Variants in SLC45A2 observed in about 807,000 individuals in gnomAD.
The protein encoded by SLC45A2 is solute carrier family 45 member 2, also known as membrane-associated transporter protein.
In SLC45A2, 36 loss-of-function variants were observed where a neutral mutation model predicts 45.5. The observed-to-expected ratio is 0.79, with a 90% CI of 0.61 to 1.04. The LOEUF is 1.04. Among genes scored for constraint, SLC45A2 ranks in the 50% least tolerant of loss-of-function variants. The pLI is 0.00. For synonymous variants in SLC45A2, 306 were observed against 269.3 expected, an observed-to-expected ratio of 1.14 and a Z score of -1.33; for missense variants, 719 against 671.0, an observed-to-expected ratio of 1.07 and a Z score of -0.79.
intron 2 of SLC45A2, among the ~76,000 whole-genome samples, chr5:33,974,185 AT>A (rs1465534600): frequency 6.6e-6 from 1 of 152,170 alleles, no homozygotes; most frequent in Non-Finnish European, 1.5e-5. Context: ...GGAGTGAAGG[AT>A]CTGTGTGGTG....
intron 3 of SLC45A2, among the ~76,000 whole-genome samples, chr5:33,961,752 CCTGTTCCTGCCAAGGAACT>C (rs1169001586): frequency 6.6e-6 from 1 of 152,164 alleles, no homozygotes; most frequent in Non-Finnish European, 1.5e-5. Flanking sequence ...ATCCACTGTT[CCTGTTCCTGCCAAGGAACT>C]CTGTTCCTGT....
chr5:33,973,386 TGAG>T (rs1579556082), intron 2 of SLC45A2, among the ~76,000 whole-genome samples: 2 of 152,316 alleles, frequency 1.3e-5, no homozygotes, highest in East Asian at 3.9e-4. Flanking sequence ...GCTGCCTGAA[TGAG>T]GAGATGTGAA....
chr5:33,945,709 T>C (rs1445352555), intron 6 of SLC45A2, among the ~76,000 whole-genome samples: 2 of 152,212 alleles, frequency 1.3e-5, no homozygotes, highest in East Asian at 1.9e-4. Context: ...TGTTTGCTTT[T>C]CTATAAGGTA....
chr5:33,984,362 C>A lies in SLC45A2; in HGVS notation c.222G>T (p.Trp74Cys). ...GLPSSLYSIV[W>C]FLSPILGFLL... ...GGAATCCCAGGATGGGGCTGAGGAA[C>A]CACACAATGCTGTACAGGCTGCTGG... Residue 74 changes from tryptophan to cysteine, a missense_variant, in exon 1 of 7, where the codon TGG (tryptophan) becomes TGT (cysteine). Physicochemically the swap from Trp to Cys is radical, Grantham distance 215. Transcript: ENST00000296589. 3.1e-6 allele frequency: 5 copies of A among 1,614,002 alleles called. No homozygotes were observed. Among genetic ancestry groups the A allele is most frequent in the Non-Finnish European group, 4.2e-6 (5 of 1,179,952 alleles).
At position 33,951,402 on chromosome 5, in the gene SLC45A2, TC is replaced by T. The variant is rs1397540249; in HGVS notation, c.1156+151del. 4.5e-6 allele frequency: 7 copies of T among 1,567,912 alleles called. No homozygotes were observed. In the African/African-American group the frequency reaches 6.8e-5, roughly 15 times the overall value. Reference sequence around the variant, plus strand: ...GATGAAAAAAGGATGCTTTATATGGTCCTTTTTAAGGTGATAGTTTTTCCTG... The same window carrying T: ...GATGAAAAAAGGATGCTTTATATGGTCTTTTTAAGGTGATAGTTTTTCCTG... On this transcript the variant is annotated intron_variant, in intron 5 of 6. Coordinates refer to ENST00000296589, the MANE Select transcript of SLC45A2 (RefSeq NM_016180.5).
chr5:33,982,512 G>A (rs1753108637), intron 1 of SLC45A2, 100 bp from the exon 2 acceptor site: 1 of 1,226,366 alleles, frequency 8.2e-7, no homozygotes, highest in Non-Finnish European at 1.2e-6. Flanking sequence ...CATCTTCCTT[G>A]CTTTTATTTT....
At chr5:33,946,140 G>A (rs1751919454) in intron 6 of SLC45A2, 1 of 985,428 alleles carries the variant, frequency 1.0e-6, no homozygotes, top group Non-Finnish European at 1.2e-6. Flanking sequence ...CTGAAGCGTA[G>A]GTTTTCTTCC....
rs185483116 is a variant in SLC45A2 at position 33,950,076 on chromosome 5, G to C, written c.1156+1478C>G. On this transcript the variant is annotated intron_variant, in intron 5 of 6. Transcript: ENST00000296589. ...GCCAGGCACAGTGGCATGTGCTTGT[G>C]GTCCCGGGTACTCAGAGGGCTGGGA... Among the ~76,000 whole-genome samples the C allele has an allele frequency of 2.2e-3, 328 of 152,078 alleles. 2 individuals carry two copies. The highest frequency in any genetic ancestry group is 7.7e-3 in the African/African-American group (318 of 41,486).
At chr5:33,952,410 G>A (rs138434544) in intron 4 of SLC45A2, among the ~76,000 whole-genome samples, 172 of 150,582 alleles carry the variant, frequency 1.1e-3, no homozygotes, top group African/African-American at 4.1e-3. Flanking sequence ...TTTGATTCAA[G>A]ATGTGAGAGG....
rs370756063 is a variant in SLC45A2, at chr5:33,944,626, G to T, written c.*22C>A. 2.5e-6 allele frequency: 4 copies of T among 1,609,564 alleles called. No homozygotes were observed. The East Asian group carries it at 6.7e-5, about 27-fold the overall frequency. On this transcript the variant is annotated 3_prime_UTR_variant, in exon 7 of 7. Transcript: ENST00000296589. ...ATGTGCTTCACTGTCTCTGAGGTTA[G>T]GGTCATTGTCTCTTTATTGACCTAA...
intron 2 of SLC45A2, among the ~76,000 whole-genome samples, chr5:33,973,740 A>T (rs971148305): frequency 1.3e-5 from 2 of 152,252 alleles, no homozygotes; most frequent in Admixed American, 1.3e-4. Flanking sequence ...GTCATTACAA[A>T]TAAAATGTTT....
chr5:33,975,396 G>A (rs796946944), intron 2 of SLC45A2, among the ~76,000 whole-genome samples: 16 of 152,292 alleles, frequency 1.1e-4, no homozygotes, highest in African/African-American at 3.1e-4. Flanking sequence ...GAGAGTTTAC[G>A]AATCTTGCAG....
intron 6 of SLC45A2, chr5:33,946,179 G>C: frequency 1.0e-6 from 1 of 985,422 alleles, no homozygotes; most frequent in Non-Finnish European, 1.2e-6. Flanking sequence ...TCTCCTTGTA[G>C]GGACAGTTTT....
At position 33,954,460 on chromosome 5, in the gene SLC45A2, C is replaced by T. The variant is rs1421581568; in HGVS notation, c.933G>A (p.Val311=). Residue 311 remains valine, a synonymous_variant, in exon 4 of 7, where the codon GTG becomes GTA. Transcript: ENST00000296589. ...MTLKSLLRAL[V]NMPPHYRYLC... is the part of the protein sequence containing the mutation. ...GGTAGCGGTAGTGAGGAGGCATGTTCACCAGTGCTCTCAGCAGTGACTTTA... is the reference window on the plus strand; with the variant it reads ...GGTAGCGGTAGTGAGGAGGCATGTTTACCAGTGCTCTCAGCAGTGACTTTA... 6.2e-7 allele frequency: 1 copy of T among 1,614,046 alleles called. No homozygotes were observed. Among genetic ancestry groups the T allele is most frequent in the East Asian group, 2.2e-5 (1 of 44,884 alleles).
At chr5:33,968,332 T>C (rs570071763) in intron 2 of SLC45A2, among the ~76,000 whole-genome samples, 1 of 152,326 alleles carries the variant, frequency 6.6e-6, no homozygotes, top group African/African-American at 2.4e-5. Context: ...ATCCAGACTG[T>C]ATTTACCTCT....
In SLC45A2 at chr5:33,984,597, G is replaced by A; in HGVS notation, c.-14C>T. The stretch of plus-strand genomic sequence containing the variant: ...GTTGCTACCCATGGCCACTGGGAGA[G>A]GAACCTTCCTGCGAGCCCACCACCT... On this transcript the variant is annotated 5_prime_UTR_variant, in exon 1 of 7. Coordinates refer to ENST00000296589, the MANE Select transcript of SLC45A2 (RefSeq NM_016180.5). The A allele has an allele frequency of 6.2e-7, 1 of 1,607,860 alleles. No individual in the cohort carries two copies. The highest frequency in any genetic ancestry group is 1.1e-5 in the South Asian group (1 of 91,054).
intron 6 of SLC45A2, chr5:33,945,919 A>G (rs1246017229): frequency 2.8e-5 from 27 of 963,802 alleles, no homozygotes; most frequent in Admixed American, 6.2e-5. Context: ...ACAAAAAACT[A>G]GTAAGAGTGG....
rs764165097 is a variant in SLC45A2, at chr5:33,951,649, G to A, written c.1061C>T (p.Ala354Val). The stretch of plus-strand genomic sequence containing the variant: ...GATGAGAAACTCTGTGGAGTTGTGT[G>A]CACTATAGGGATCCCCGCGGTACAC... Reference protein sequence around the residue: ...QIVYRGDPYSAHNSTEFLIYE... With the variant: ...QIVYRGDPYSVHNSTEFLIYE... Residue 354 changes from alanine to valine, a missense_variant, in exon 5 of 7, where the codon GCA becomes GTA. Transcript: ENST00000296589. 4 of 1,614,180 alleles carry A rather than the reference G, an allele frequency of 2.5e-6. No homozygotes were observed. Among genetic ancestry groups the A allele is most frequent in the Admixed American group, 1.7e-5 (1 of 60,020 alleles).
chr5:33,984,044 G>T (rs1457565497), intron 1 of SLC45A2, among the ~76,000 whole-genome samples, 155 bp downstream of exon 1: 1 of 152,090 alleles, frequency 6.6e-6, no homozygotes, highest in East Asian at 1.9e-4. Flanking sequence ...CACAGAATCT[G>T]GGCCAAATTT....
Sources: allele counts gnomAD v4.1 joint callset (sites outside exome capture counted in the v4.1 genomes callset), GRCh38; gene constraint gnomAD v4.1.1; transcripts MANE v1.5; gene names NCBI Gene and HGNC (gene_info 2026-07-23, HGNC 2026-07-21).